Variants in FBXL17 observed in about 807,000 individuals in gnomAD.
The protein encoded by FBXL17 is F-box/LRR-repeat protein 17.
In FBXL17, 22 loss-of-function variants were observed where a neutral mutation model predicts 66.2. The observed-to-expected ratio is 0.33, with a 90% confidence interval of 0.24 to 0.47. The LOEUF is 0.47. Ranked by LOEUF, FBXL17 falls within the 20% of genes least tolerant of loss-of-function variation. The pLI is 1.00. For synonymous variants in FBXL17, 474 were observed against 400.5 expected, an observed-to-expected ratio of 1.18 and a Z score of -2.19; for missense variants, 878 against 948.2, an observed-to-expected ratio of 0.93 and a Z score of 0.97.
At chr5:108,211,821 C>T (rs576261895) in intron 5 of FBXL17, among the ~76,000 whole-genome samples, 6 of 152,032 alleles carry the variant, frequency 3.9e-5, no homozygotes, top group African/African-American at 1.4e-4. Context: ...TTGCCCTTCT[C>T]GAGGAGTATC....
At chr5:108,171,260 C>A in intron 6 of FBXL17, among the ~76,000 whole-genome samples, 1 of 152,066 alleles carries the variant, frequency 6.6e-6, no homozygotes, top group East Asian at 1.9e-4. Context: ...TTCAGGGACT[C>A]CAAGGTAAGT....
At chr5:108,173,057 T>C (rs1752666763) in intron 6 of FBXL17, among the ~76,000 whole-genome samples, 1 of 152,098 alleles carries the variant, frequency 6.6e-6, no homozygotes, top group Non-Finnish European at 1.5e-5. Flanking sequence ...TGCCTCGGCC[T>C]CCCAAAGTGC....
intron 6 of FBXL17, among the ~76,000 whole-genome samples, chr5:108,074,126 G>C (rs987099326): frequency 5.9e-5 from 9 of 152,072 alleles, no homozygotes; most frequent in African/African-American, 2.2e-4. Context: ...ACCCCACTGG[G>C]GGACTGTGAT....
intron 1 of FBXL17, among the ~76,000 whole-genome samples, chr5:108,368,197 C>T (rs1306508572): frequency 1.3e-5 from 2 of 150,822 alleles, no homozygotes; most frequent in Non-Finnish European, 2.9e-5. Context: ...TGTACTGACA[C>T]GTGTTCATGC....
At chr5:108,339,157 T>A (rs1175766557) in intron 4 of FBXL17, among the ~76,000 whole-genome samples, 2 of 152,130 alleles carry the variant, frequency 1.3e-5, no homozygotes, top group Non-Finnish European at 2.9e-5. Context: ...AAAAGCTAAT[T>A]CTCCAATTCT....
rs1222346899 is a variant in FBXL17 at position 107,859,261 on chromosome 5, C to T, written c.*2459G>A. On this transcript the variant is annotated 3_prime_UTR_variant, in exon 9 of 9. Coordinates refer to ENST00000542267, the MANE Select transcript of FBXL17 (RefSeq NM_001163315.3). ...TAAACGTGTTCACATGTATTTATGA[C>T]ATTCTAAGCAAAAAAAAGAAACTCT... The T allele has an allele frequency of 6.6e-6, 1 of 151,844 alleles. No homozygotes were observed. The highest frequency in any genetic ancestry group is 1.5e-5 in the Non-Finnish European group (1 of 67,962). 9.4% of individuals were successfully genotyped at this position (151,844 alleles called of 1,614,324 possible).
chr5:108,154,237 G>A (rs1390898363), intron 6 of FBXL17, among the ~76,000 whole-genome samples: 1 of 141,422 alleles, frequency 7.1e-6, no homozygotes, highest in East Asian at 2.1e-4. Flanking sequence ...ACAGAGACAC[G>A]TAAATTCAGA....
intron 7 of FBXL17, among the ~76,000 whole-genome samples, chr5:107,980,665 T>TATATATATATATATATATATATA (rs1363335386): frequency 1.9e-4 from 15 of 79,120 alleles, no homozygotes; most frequent in Non-Finnish European, 2.8e-4. Flanking sequence ...TATATATATA[T>TATATATATATATATATATATATA]TTTTTTTTTG....
chr5:107,913,828 T>G (rs1750036655), intron 7 of FBXL17, among the ~76,000 whole-genome samples: 1 of 152,012 alleles, frequency 6.6e-6, no homozygotes, highest in Non-Finnish European at 1.5e-5. Flanking sequence ...CAAATCCAAA[T>G]TAGGGCCAAA....
At chr5:108,211,691 A>G (rs1393295901) in intron 5 of FBXL17, among the ~76,000 whole-genome samples, 3 of 152,196 alleles carry the variant, frequency 2.0e-5, no homozygotes, top group Admixed American at 2.0e-4. Context: ...CTACAGAAAG[A>G]TCCCCTGTTA....
chr5:108,132,844 C>A (rs1003699723), intron 6 of FBXL17, among the ~76,000 whole-genome samples: 1 of 152,216 alleles, frequency 6.6e-6, no homozygotes, highest in Non-Finnish European at 1.5e-5. Flanking sequence ...CTCACCCACA[C>A]TCCATATTTC....
At chr5:108,108,780 G>GT (rs201883285) in intron 6 of FBXL17, among the ~76,000 whole-genome samples, 5,299 of 122,018 alleles carry the variant, frequency 0.043, 273 homozygotes, top group African/African-American at 0.071. Flanking sequence ...CTCACACTTT[G>GT]TTTTTGTTTT....
chr5:107,886,303 T>C (rs1161537932), intron 7 of FBXL17, among the ~76,000 whole-genome samples: 2 of 152,164 alleles, frequency 1.3e-5, no homozygotes, highest in Admixed American at 6.5e-5. Flanking sequence ...CACAGATACA[T>C]AGATAGCTAC....
intron 6 of FBXL17, among the ~76,000 whole-genome samples, chr5:108,086,288 C>T (rs1355822386): frequency 6.6e-6 from 1 of 152,158 alleles, no homozygotes; most frequent in Non-Finnish European, 1.5e-5. Flanking sequence ...AAAAATGGTA[C>T]ACAAAGAGGC....
chr5:108,190,799 A>C (rs930046581), intron 5 of FBXL17, among the ~76,000 whole-genome samples: 3 of 152,166 alleles, frequency 2.0e-5, no homozygotes, highest in Admixed American at 2.0e-4. Flanking sequence ...CCATTTTTTT[A>C]AACCACATTG....
intron 1 of FBXL17, among the ~76,000 whole-genome samples, chr5:108,375,829 A>C (rs922740741): frequency 6.6e-6 from 1 of 152,220 alleles, no homozygotes; most frequent in Non-Finnish European, 1.5e-5. Context: ...AAAAAACTAC[A>C]GACCAATGTC....
chr5:108,282,733 A>C (rs981976316), intron 4 of FBXL17, among the ~76,000 whole-genome samples: 1 of 151,552 alleles, frequency 6.6e-6, no homozygotes, highest in Admixed American at 6.6e-5. Flanking sequence ...CCTGTTTGCT[A>C]AGATATAATC....
intron 3 of FBXL17, among the ~76,000 whole-genome samples, chr5:108,353,580 C>G (rs1561547819): frequency 6.6e-6 from 1 of 152,152 alleles, no homozygotes; most frequent in Non-Finnish European, 1.5e-5. Flanking sequence ...TTATTTTTAA[C>G]AAGGCCTGTC....
intron 6 of FBXL17, among the ~76,000 whole-genome samples, chr5:108,167,275 G>A (rs542135518): frequency 3.0e-4 from 46 of 152,256 alleles, no homozygotes; most frequent in Admixed American, 2.1e-3. Flanking sequence ...TCAATTTGCA[G>A]AAAACCATGA....
Sources: allele counts gnomAD v4.1 joint callset (sites outside exome capture counted in the v4.1 genomes callset), GRCh38; gene constraint gnomAD v4.1.1; transcripts MANE v1.5; gene names NCBI Gene and HGNC (gene_info 2026-07-23, HGNC 2026-07-21).